TMEM74: variants seen among roughly 807,000 people sequenced by gnomAD.
TMEM74 encodes transmembrane protein 74.
TMEM74 carries 13 observed loss-of-function variants against 18.1 expected under a neutral mutation model. That is an observed-to-expected ratio of 0.72 (90% CI 0.47 to 1.14). The LOEUF is 1.14. Ranked by LOEUF, TMEM74 falls within the 50% of genes most tolerant of loss-of-function variation. TMEM74 has a pLI of 0.00. For synonymous variants in TMEM74, 159 were observed against 146.6 expected, an observed-to-expected ratio of 1.08 and a Z score of -0.61; for missense variants, 372 against 375.9, an observed-to-expected ratio of 0.99 and a Z score of 0.09.
At chr8:108,740,921 G>A (rs1275865504) in intron 1 of TMEM74, among the ~76,000 whole-genome samples, 1 of 152,108 alleles carries the variant, frequency 6.6e-6, no homozygotes, top group East Asian at 1.9e-4. Context: ...TGGAAGAAAA[G>A]CTGGAAATGA....
chr8:108,671,330 C>A (rs1430930370), intron 1 of TMEM74, among the ~76,000 whole-genome samples: 3 of 152,158 alleles, frequency 2.0e-5, no homozygotes, highest in Non-Finnish European at 4.4e-5. Context: ...ACAGGATTTT[C>A]ACTTTGCCAC....
chr8:108,717,145 CTTATA>C (rs1169573294), intron 1 of TMEM74, among the ~76,000 whole-genome samples: 1 of 151,846 alleles, frequency 6.6e-6, no homozygotes, highest in East Asian at 1.9e-4. Flanking sequence ...ATCAACGTTA[CTTATA>C]TTTAATGCAA....
intron 1 of TMEM74, among the ~76,000 whole-genome samples, chr8:108,672,309 C>A (rs1177285084): frequency 6.6e-6 from 1 of 152,144 alleles, no homozygotes; most frequent in African/African-American, 2.4e-5. Flanking sequence ...GAACCTCAGG[C>A]TGTGTCTAAA....
At chr8:108,627,488 G>C (rs966985019) in intron 2 of TMEM74, among the ~76,000 whole-genome samples, 4 of 151,856 alleles carry the variant, frequency 2.6e-5, no homozygotes, top group Non-Finnish European at 4.4e-5. Flanking sequence ...TTGTTGTAAA[G>C]AAAAAAATGA....
intron 1 of TMEM74, among the ~76,000 whole-genome samples, chr8:108,703,789 G>A (rs990422937): frequency 3.9e-5 from 6 of 152,166 alleles, no homozygotes; most frequent in Non-Finnish European, 7.4e-5. Flanking sequence ...TATTTGCCTG[G>A]CTCCTTGCTA....
At chr8:108,763,853 C>T (rs997472139) in intron 1 of TMEM74, among the ~76,000 whole-genome samples, 1 of 152,170 alleles carries the variant, frequency 6.6e-6, no homozygotes, top group African/African-American at 2.4e-5. Context: ...AACAAAAATT[C>T]TTCCAACTTT....
intron 3 of TMEM74, among the ~76,000 whole-genome samples, chr8:108,608,471 C>T (rs1048798545): frequency 6.6e-5 from 10 of 152,068 alleles, no homozygotes; most frequent in African/African-American, 1.9e-4. Context: ...CTCGTTTCCC[C>T]GTGGACTGTG....
At chr8:108,756,600 A>AAG (rs1190452309) in intron 1 of TMEM74, among the ~76,000 whole-genome samples, 2 of 40,752 alleles carry the variant, frequency 4.9e-5, no homozygotes, top group East Asian at 8.9e-4. Context: ...AAGAAAGAGA[A>AAG]AGGAAGGAAG....
chr8:108,731,691 T>C (rs932631766), intron 1 of TMEM74, among the ~76,000 whole-genome samples: 4 of 152,186 alleles, frequency 2.6e-5, no homozygotes, highest in Admixed American at 6.5e-5. Flanking sequence ...TAGCCTTGTG[T>C]TCTGAGTGAA....
chr8:108,737,404 C>A (rs1489253745), intron 1 of TMEM74, among the ~76,000 whole-genome samples: 3 of 152,168 alleles, frequency 2.0e-5, no homozygotes, highest in Admixed American at 2.0e-4. Flanking sequence ...GTAACATTTT[C>A]ATGTGCTCCA....
downstream of TMEM74, among the ~76,000 whole-genome samples, chr8:108,774,370 CAG>C (rs2129649612): frequency 6.6e-6 from 1 of 152,238 alleles, no homozygotes; most frequent in Non-Finnish European, 1.5e-5. Flanking sequence ...TATTAACAAC[CAG>C]AGTAATCTTG....
chr8:108,733,253 A>T (rs1813713203), intron 1 of TMEM74, among the ~76,000 whole-genome samples: 1 of 152,218 alleles, frequency 6.6e-6, no homozygotes, highest in Non-Finnish European at 1.5e-5. Flanking sequence ...AACCCAAGGT[A>T]TCTATCAACA....
chr8:108,711,224 G>A (rs1203347939), intron 1 of TMEM74, among the ~76,000 whole-genome samples: 2 of 152,162 alleles, frequency 1.3e-5, no homozygotes, highest in Admixed American at 1.3e-4. Flanking sequence ...TTTACCTGAA[G>A]TTGTAGAGTT....
intron 1 of TMEM74, among the ~76,000 whole-genome samples, chr8:108,681,408 C>A (rs1031611485): frequency 6.6e-6 from 1 of 152,120 alleles, no homozygotes; most frequent in Non-Finnish European, 1.5e-5. Flanking sequence ...CAAAAACAAG[C>A]AATGGGGAAA....
chr8:108,707,289 CA>C (rs1813425626), intron 1 of TMEM74, among the ~76,000 whole-genome samples: 1 of 151,412 alleles, frequency 6.6e-6, no homozygotes, highest in South Asian at 2.1e-4. Context: ...ACCTATGTAA[CA>C]AACCTGCATG....
intron 2 of TMEM74, among the ~76,000 whole-genome samples, chr8:108,620,747 G>A (rs578032568): frequency 6.6e-6 from 1 of 151,960 alleles, no homozygotes; most frequent in East Asian, 1.9e-4. Context: ...TTCAATTTTT[G>A]GAATCCTTGT....
chr8:108,629,560 A>T (rs1347075279), intron 2 of TMEM74, among the ~76,000 whole-genome samples: 1 of 152,068 alleles, frequency 6.6e-6, no homozygotes, highest in Non-Finnish European at 1.5e-5. Context: ...AAATGAGGGA[A>T]AAATTATTAA....
At chr8:108,706,826 T>C (rs1048045585) in intron 1 of TMEM74, among the ~76,000 whole-genome samples, 2 of 142,696 alleles carry the variant, frequency 1.4e-5, no homozygotes, top group African/African-American at 2.6e-5. Context: ...AGCACATGCA[T>C]GTAAAATAAT....
intron 2 of TMEM74, among the ~76,000 whole-genome samples, chr8:108,654,752 C>G (rs1812804973): frequency 7.1e-6 from 1 of 140,572 alleles, no homozygotes; most frequent in South Asian, 2.3e-4. Context: ...TCCTTTTTAC[C>G]AAGTGTTTTT....
Sources: allele counts gnomAD v4.1 joint callset (sites outside exome capture counted in the v4.1 genomes callset), GRCh38; gene constraint gnomAD v4.1.1; transcripts MANE v1.5; gene names NCBI Gene and HGNC (gene_info 2026-07-23, HGNC 2026-07-21).